LRRC37A2: variants seen among roughly 807,000 people sequenced by gnomAD.
The protein encoded by LRRC37A2 is leucine rich repeat containing 37 member A2.
LRRC37A2 carries 9 observed loss-of-function variants against 68.8 expected under a neutral mutation model. The observed-to-expected ratio is 0.13, with a 90% CI of 0.08 to 0.23. LRRC37A2 has a LOEUF of 0.23. Among genes scored for constraint, LRRC37A2 ranks in the 10% least tolerant of loss-of-function variants. The probability of loss-of-function intolerance (pLI) is 1.00; values close to 1 mark genes in which losing one functional copy is unlikely to be tolerated. For missense variants in LRRC37A2, 168 were observed against 950.4 expected (o/e 0.18, Z 10.82); for synonymous variants, 63 against 367.6 (o/e 0.17, Z 9.48).
At chr17:46,792,052 A>G in the LRRC37A2 span, among the ~76,000 whole-genome samples, 2 of 152,252 alleles carry the variant, frequency 1.3e-5, no homozygotes, top group Non-Finnish European at 2.9e-5. Flanking sequence ...AACAAAACAA[A>G]AGAAAACAAC....
At chr17:46,811,396 G>C in the LRRC37A2 span, among the ~76,000 whole-genome samples, 1 of 152,178 alleles carries the variant, frequency 6.6e-6, no homozygotes, top group Non-Finnish European at 1.5e-5. Flanking sequence ...GTGACTCTCT[G>C]AGATATTAGT....
chr17:46,777,221 A>G, the LRRC37A2 span, among the ~76,000 whole-genome samples: 95,035 of 151,828 alleles, frequency 0.63, 32,321 homozygotes, highest in South Asian at 0.82. Context: ...AAAAAAAAAA[A>G]GAAAAAGAAA....
the LRRC37A2 span, among the ~76,000 whole-genome samples, chr17:46,925,729 A>G: frequency 2.0e-4 from 31 of 152,176 alleles, no homozygotes; most frequent in Non-Finnish European, 1.6e-4. Context: ...TTTTACTGGA[A>G]CTTTGAACCC....
At chr17:47,041,525 T>A in the LRRC37A2 span, among the ~76,000 whole-genome samples, 1 of 68,676 alleles carries the variant, frequency 1.5e-5, no homozygotes. Context: ...AGTGGCGCAA[T>A]CTCGTCTCAC....
the LRRC37A2 span, among the ~76,000 whole-genome samples, chr17:47,014,132 C>T: frequency 2.6e-5 from 4 of 151,530 alleles, no homozygotes; most frequent in African/African-American, 9.7e-5. Flanking sequence ...TGGCTCATGC[C>T]TGTAATCCCA....
At chr17:46,835,904 C>T in the LRRC37A2 span, among the ~76,000 whole-genome samples, 6 of 152,230 alleles carry the variant, frequency 3.9e-5, no homozygotes, top group African/African-American at 4.8e-5. Flanking sequence ...ACAGGAGACC[C>T]GGCCCTTCTC....
the LRRC37A2 span, among the ~76,000 whole-genome samples, chr17:46,902,580 AAGCAGTC>A: frequency 6.6e-6 from 1 of 152,068 alleles, no homozygotes; most frequent in Non-Finnish European, 1.5e-5. Flanking sequence ...GTTTGTGGCC[AAGCAGTC>A]AGTCCAGGGG....
chr17:46,950,391 A>G, the LRRC37A2 span, among the ~76,000 whole-genome samples: 2 of 152,324 alleles, frequency 1.3e-5, no homozygotes, highest in South Asian at 4.2e-4. Context: ...GAGGGAAAAG[A>G]AGGAGATGGA....
chr17:46,901,673 G>A, the LRRC37A2 span, among the ~76,000 whole-genome samples: 7 of 152,314 alleles, frequency 4.6e-5, no homozygotes, highest in South Asian at 1.4e-3. Flanking sequence ...GAGAACATCA[G>A]AATCCCAAGC....
the LRRC37A2 span, among the ~76,000 whole-genome samples, chr17:46,901,803 ATTTT>A: frequency 7.8e-6 from 1 of 128,208 alleles, no homozygotes; most frequent in Admixed American, 7.8e-5. Flanking sequence ...TGGAGCAAGA[ATTTT>A]TTTTTTTTTT....
the LRRC37A2 span, among the ~76,000 whole-genome samples, chr17:46,772,770 AACCCCACCCAGC>A: frequency 7.2e-6 from 1 of 138,374 alleles, no homozygotes; most frequent in Non-Finnish European, 1.6e-5. Flanking sequence ...CTTCCCCCCC[AACCCCACCCAGC>A]ACCCCACCCC....
chr17:47,044,917 TG>T, the LRRC37A2 span, among the ~76,000 whole-genome samples: 1 of 148,898 alleles, frequency 6.7e-6, no homozygotes, highest in Non-Finnish European at 1.5e-5. Context: ...GAGGCTGAGG[TG>T]GGAGGATCAC....
the LRRC37A2 span, among the ~76,000 whole-genome samples, chr17:46,816,965 T>C: frequency 1.3e-5 from 2 of 152,190 alleles, no homozygotes; most frequent in Non-Finnish European, 2.9e-5. Context: ...CTGGCTGCCC[T>C]GGCCACCCCA....
chr17:46,941,877 T>G, the LRRC37A2 span: 457,556 of 965,456 alleles, frequency 0.47, 109,331 homozygotes, highest in East Asian at 0.55. Flanking sequence ...TTAGCCACTG[T>G]ACCTGGCCTC....
At chr17:46,832,790 G>C in the LRRC37A2 span, 1 of 153,020 alleles carries the variant, frequency 6.5e-6, no homozygotes, top group Admixed American at 6.5e-5. Flanking sequence ...AAGCTGGCAG[G>C]GGCTGGCAGG....
chr17:46,820,870 C>T, the LRRC37A2 span, among the ~76,000 whole-genome samples: 1 of 152,164 alleles, frequency 6.6e-6, no homozygotes, highest in Non-Finnish European at 1.5e-5. Context: ...CTGGGGAGGG[C>T]TACCTTCCCT....
At chr17:46,974,521 T>C in the LRRC37A2 span, among the ~76,000 whole-genome samples, 1 of 152,098 alleles carries the variant, frequency 6.6e-6, no homozygotes, top group East Asian at 1.9e-4. Context: ...GATCACAAGG[T>C]CAGGAGATCG....
chr17:46,876,336 T>A, the LRRC37A2 span: 1 of 1,614,166 alleles, frequency 6.2e-7, no homozygotes. Flanking sequence ...CTCTCCCCGT[T>A]CCGTGAGACG....
chr17:46,550,936 C>T lies in LRRC37A2; in HGVS notation c.4809+417C>T, dbSNP rs563589156. Among the ~76,000 whole-genome samples, 5 of 148,990 alleles carry T rather than the reference C, an allele frequency of 3.4e-5. No homozygotes were observed. The East Asian group carries it at 5.8e-4, about 17-fold the overall frequency. ...GGAGAGGAAGGAGAGAGCCAAAAGA[C>T]ATACGTATTGTCTTGTAGACTTATT... On this transcript the variant is annotated intron_variant, in intron 11 of 14. Transcript: ENST00000576629.
Sources: allele counts gnomAD v4.1 joint callset (sites outside exome capture counted in the v4.1 genomes callset), GRCh38; gene constraint gnomAD v4.1.1; transcripts MANE v1.5; gene names NCBI Gene and HGNC (gene_info 2026-07-23, HGNC 2026-07-21).